ANKRD17: variants seen among roughly 807,000 people sequenced by gnomAD.
The protein encoded by ANKRD17 is ankyrin repeat domain-containing protein 17.
ANKRD17 carries 19 observed loss-of-function variants against 229.7 expected under a neutral mutation model. That is an observed-to-expected ratio of 0.08 (90% CI 0.06 to 0.12). The LOEUF (loss-of-function observed/expected upper bound fraction) is 0.12, where lower values mean the gene tolerates loss of function less well. ANKRD17 is among the 10% of genes least tolerant of loss of function. The pLI, the probability that ANKRD17 is intolerant of heterozygous loss-of-function variation, is 1.00. For missense variants in ANKRD17, 2,176 were observed against 3,176.8 expected (o/e 0.68, Z 7.57); for synonymous variants, 1,112 against 1,146.1 (o/e 0.97, Z 0.60).
intron 2 of ANKRD17, among the ~76,000 whole-genome samples, chr4:73,162,749 T>C (rs965217655): frequency 6.6e-6 from 1 of 152,168 alleles, no homozygotes; most frequent in Non-Finnish European, 1.5e-5. Flanking sequence ...CTTTCAGATA[T>C]CCCTATAAAG....
intron 15 of ANKRD17, 23 bp downstream of exon 15, chr4:73,139,508 T>C: frequency 6.4e-7 from 1 of 1,570,298 alleles, no homozygotes; most frequent in Middle Eastern, 1.7e-4. Flanking sequence ...ATTTGATACC[T>C]GCTCATAACA....
At chr4:73,250,087 G>T (rs1319109833) in intron 1 of ANKRD17, among the ~76,000 whole-genome samples, 1 of 151,996 alleles carries the variant, frequency 6.6e-6, no homozygotes, top group African/African-American at 2.4e-5. Flanking sequence ...TATGATTCTG[G>T]TTATCGCCAA....
intron 1 of ANKRD17, among the ~76,000 whole-genome samples, chr4:73,228,601 T>G (rs72663021): frequency 1.3e-5 from 2 of 152,330 alleles, no homozygotes; most frequent in Non-Finnish European, 2.9e-5. Flanking sequence ...ACATTATTTT[T>G]TATACAGATG....
chr4:73,122,256 T>A (rs1726839528), intron 18 of ANKRD17, among the ~76,000 whole-genome samples: 1 of 152,162 alleles, frequency 6.6e-6, no homozygotes. Context: ...AGATTTTAGG[T>A]CCCACCTACT....
Position 73,140,102 on chromosome 4 carries a change from A to C in ANKRD17, c.2514T>G (p.Ala838=), listed in dbSNP as rs1288580589. ...KNAQLQSLEL[A]HADQLTKEKI... ...TCTCCTTGGTAAGTTGGTCAGCATG[A>C]GCCAGTTCCAAGGACTGCAGCTGTG... The change falls in exon 15 of 34, where the codon GCT becomes GCG. Residue 838 remains alanine, a synonymous_variant. Transcript: ENST00000358602. The C allele has an allele frequency of 2.5e-6, 4 of 1,614,050 alleles. No homozygotes were observed. The highest frequency in any genetic ancestry group is 3.4e-6 in the Non-Finnish European group (4 of 1,180,042).
At chr4:73,085,693 A>G (rs1722046437) in intron 29 of ANKRD17, among the ~76,000 whole-genome samples, 1 of 151,338 alleles carries the variant, frequency 6.6e-6, no homozygotes, top group African/African-American at 2.4e-5. Flanking sequence ...AAAAAAAAAA[A>G]AAAAAAGTTC....
chr4:73,174,218 C>G (rs1197430516), intron 2 of ANKRD17, among the ~76,000 whole-genome samples: 1 of 151,840 alleles, frequency 6.6e-6, no homozygotes, highest in South Asian at 2.1e-4. Flanking sequence ...AACAGCATAG[C>G]AAAAAGATAA....
chr4:73,170,357 C>T (rs1021524008), intron 2 of ANKRD17, among the ~76,000 whole-genome samples: 1 of 151,996 alleles, frequency 6.6e-6, no homozygotes, highest in African/African-American at 2.4e-5. Flanking sequence ...AAGAAAAGAA[C>T]CCACCCCTGG....
At chr4:73,243,619 T>C (rs1744234519) in intron 1 of ANKRD17, among the ~76,000 whole-genome samples, 1 of 152,206 alleles carries the variant, frequency 6.6e-6, no homozygotes. Context: ...ATTCTTGTTT[T>C]GGTAGTCATA....
intron 11 of ANKRD17, 32 bp downstream of exon 11, chr4:73,144,713 C>A: frequency 6.8e-7 from 1 of 1,473,680 alleles, no homozygotes. Flanking sequence ...AGATACCTTT[C>A]AAAAAAAGAC....
intron 18 of ANKRD17, among the ~76,000 whole-genome samples, chr4:73,122,455 G>A (rs1207932639): frequency 6.6e-6 from 1 of 152,044 alleles, no homozygotes; most frequent in Non-Finnish European, 1.5e-5. Flanking sequence ...GATCTTAATT[G>A]CATTTCCTGA....
chr4:73,155,040 C>CAAA (rs528971172), intron 5 of ANKRD17, among the ~76,000 whole-genome samples: 1 of 59,576 alleles, frequency 1.7e-5, no homozygotes, highest in African/African-American at 6.4e-5. Context: ...GACTCCGTCT[C>CAAA]AAAAAAAAAA....
At chr4:73,137,717 A>C (rs1729092139) in intron 15 of ANKRD17, among the ~76,000 whole-genome samples, 1 of 152,190 alleles carries the variant, frequency 6.6e-6, no homozygotes, top group Non-Finnish European at 1.5e-5. Flanking sequence ...CATAGAAATG[A>C]GCATAATAAA....
At chr4:73,241,407 C>T (rs1453326209) in intron 1 of ANKRD17, among the ~76,000 whole-genome samples, 2 of 152,076 alleles carry the variant, frequency 1.3e-5, no homozygotes, top group African/African-American at 2.4e-5. Context: ...GTGATCTATA[C>T]ATACAATGGA....
chr4:73,085,824 A>AT (rs1369898240), intron 29 of ANKRD17, among the ~76,000 whole-genome samples: 7 of 120,296 alleles, frequency 5.8e-5, no homozygotes, highest in East Asian at 2.6e-4. Context: ...TCTACAAAAA[A>AT]TTAAAAAAAA....
chr4:73,129,752 T>C (rs1382997684), intron 16 of ANKRD17, among the ~76,000 whole-genome samples: 1 of 149,918 alleles, frequency 6.7e-6, no homozygotes, highest in Non-Finnish European at 1.5e-5. Context: ...AAAGTACATC[T>C]ATTAATTACT....
At chr4:73,174,128 A>AGGAAGGAAGGAAGGAAGGAG (rs1734416102) in intron 2 of ANKRD17, among the ~76,000 whole-genome samples, 1 of 151,504 alleles carries the variant, frequency 6.6e-6, no homozygotes, top group Non-Finnish European at 1.5e-5. Flanking sequence ...GAAGGAAGGA[A>AGGAAGGAAGGAAGGAAGGAG]GGAAGGAAGG....
chr4:73,151,485 G>A lies in ANKRD17; in HGVS notation c.1274C>T (p.Ala425Val), dbSNP rs1431668635. Reference protein sequence around the residue: ...EMVRFLLEAGADQEHKTDEMH... With the variant: ...EMVRFLLEAGVDQEHKTDEMH... ...TTCATCTGTTTTATGCTCTTGATCC[G>A]CGCCTGCTTCCAAAAGAAATCGCAC... Residue 425 changes from alanine to valine, a missense_variant, in exon 7 of 34, where the codon GCG becomes GTG. Around this residue, in one of 18 missense-constraint regions of ANKRD17, gnomAD observed 42 missense variants for 141.3 expected, o/e 0.30. Coordinates refer to ENST00000358602, the MANE Select transcript of ANKRD17 (RefSeq NM_032217.5). 3 of 1,609,302 alleles carry A rather than the reference G, an allele frequency of 1.9e-6. No homozygotes were observed. Among genetic ancestry groups the A allele is most frequent in the Admixed American group, 1.7e-5 (1 of 59,616 alleles).
At chr4:73,245,688 G>A (rs1290726520) in intron 1 of ANKRD17, among the ~76,000 whole-genome samples, 1 of 152,012 alleles carries the variant, frequency 6.6e-6, no homozygotes, top group Non-Finnish European at 1.5e-5. Flanking sequence ...CTGCTTCTCT[G>A]GTTAAACCCT....
Sources: gnomAD v4.1 joint callset for allele counts (sites outside exome capture counted in the v4.1 genomes callset) on GRCh38, gnomAD v4.1.1 for gene constraint, gnomAD v4.1.1 regional missense constraint, MANE v1.5 for transcripts, NCBI Gene and HGNC (gene_info 2026-07-23, HGNC 2026-07-21) for gene names.